Variants in GLRB observed in about 807,000 individuals in gnomAD.
GLRB encodes glycine receptor beta.
A neutral mutation model predicts 54.2 loss-of-function variants in GLRB; 33 were observed. That is an observed-to-expected ratio of 0.61 (90% CI 0.46 to 0.81). The LOEUF (loss-of-function observed/expected upper bound fraction) is 0.81, where lower values mean the gene tolerates loss of function less well. GLRB is among the 40% of genes least tolerant of loss of function. The probability of loss-of-function intolerance (pLI) is 0.00; values close to 1 mark genes in which losing one functional copy is unlikely to be tolerated. For synonymous variants in GLRB, 209 were observed against 208.2 expected (o/e 1.00, Z -0.03); for missense variants, 572 against 584.6 (o/e 0.98, Z 0.22).
intron 2 of GLRB, among the ~76,000 whole-genome samples, chr4:157,099,038 A>G (rs1422936170): frequency 6.6e-6 from 1 of 152,158 alleles, no homozygotes; most frequent in Non-Finnish European, 1.5e-5. Context: ...GTTAGTGAAC[A>G]TTTAGTTCAG....
chr4:157,150,422 TC>T (rs1281377523), intron 8 of GLRB, among the ~76,000 whole-genome samples: 1 of 152,036 alleles, frequency 6.6e-6, no homozygotes, highest in Non-Finnish European at 1.5e-5. Flanking sequence ...TTATGAATAC[TC>T]CCCTTTTCCC....
At position 157,170,971 on chromosome 4, in the gene GLRB, C is replaced by T; in HGVS notation, c.*243C>T. ...TGCTTAGTAACAAATGAAGGACAAG[C>T]ATACTACATAATATAATCCATACAA... On this transcript the variant is annotated 3_prime_UTR_variant, in exon 10 of 10. Transcript: ENST00000264428. 1 of 357,164 alleles carries T rather than the reference C, an allele frequency of 2.8e-6. No individual in the cohort carries two copies. The highest frequency in any genetic ancestry group is 5.1e-6 in the Non-Finnish European group (1 of 197,042). 22.1% of individuals were successfully genotyped at this position (357,164 alleles called of 1,614,324 possible).
chr4:157,103,873 T>A (rs917278600), intron 2 of GLRB, among the ~76,000 whole-genome samples: 29 of 152,232 alleles, frequency 1.9e-4, no homozygotes, highest in African/African-American at 7.0e-4. Context: ...AAGCAATTGA[T>A]GTTTTTATGT....
At chr4:157,136,783 A>G in intron 5 of GLRB, 21 bp from the exon 6 acceptor site, 1 of 1,559,434 alleles carries the variant, frequency 6.4e-7, no homozygotes, top group East Asian at 2.2e-5. Context: ...AATTATTTCT[A>G]AGACCCATTT....
chr4:157,127,081 C>T (rs965556058), intron 4 of GLRB, among the ~76,000 whole-genome samples: 3 of 151,668 alleles, frequency 2.0e-5, no homozygotes, highest in Non-Finnish European at 4.4e-5. Flanking sequence ...ATTTGGGATC[C>T]ACTAAAAATG....
chr4:157,150,499 G>A (rs1736981074), intron 8 of GLRB, among the ~76,000 whole-genome samples: 1 of 151,878 alleles, frequency 6.6e-6, no homozygotes, highest in African/African-American at 2.4e-5. Flanking sequence ...TCTTCAATCA[G>A]TCCCCCTTTT....
chr4:157,159,774 G>A (rs1737395656), intron 9 of GLRB, among the ~76,000 whole-genome samples: 1 of 152,130 alleles, frequency 6.6e-6, no homozygotes, highest in East Asian at 1.9e-4. Context: ...TGTTCATCCG[G>A]GATATTCATC....
chr4:157,143,585 T>C (rs1055965069), intron 7 of GLRB, among the ~76,000 whole-genome samples: 1 of 152,174 alleles, frequency 6.6e-6, no homozygotes, highest in Non-Finnish European at 1.5e-5. Flanking sequence ...TATTTCTCAA[T>C]GTCATAATGA....
At chr4:157,142,400 G>A (rs1007328749) in intron 7 of GLRB, among the ~76,000 whole-genome samples, 11 of 152,144 alleles carry the variant, frequency 7.2e-5, no homozygotes, top group Middle Eastern at 3.4e-3. Context: ...TGCTTCAGTC[G>A]AAAGCAACTA....
At chr4:157,125,987 A>C (rs1302456871) in intron 4 of GLRB, among the ~76,000 whole-genome samples, 1 of 151,864 alleles carries the variant, frequency 6.6e-6, no homozygotes, top group African/African-American at 2.4e-5. Flanking sequence ...ACTTCAGCAG[A>C]TAGTGCTTAT....
At chr4:157,122,122 G>A (rs909444136) in intron 3 of GLRB, among the ~76,000 whole-genome samples, 4 of 145,486 alleles carry the variant, frequency 2.7e-5, no homozygotes, top group Admixed American at 1.4e-4. Context: ...AAATATAATC[G>A]AACTCATTGC....
chr4:157,134,313 TTG>T (rs1481666045), intron 4 of GLRB, among the ~76,000 whole-genome samples: 31 of 151,964 alleles, frequency 2.0e-4, no homozygotes, highest in Non-Finnish European at 7.4e-5. Context: ...TCCTAGTACT[TTG>T]TGAGACCAAG....
chr4:157,157,298 C>T (rs1470828911), intron 9 of GLRB, among the ~76,000 whole-genome samples: 1 of 152,170 alleles, frequency 6.6e-6, no homozygotes, highest in Non-Finnish European at 1.5e-5. Flanking sequence ...TCCTCAATCA[C>T]CACTTGACAC....
chr4:157,095,797 T>C (rs1276754546), intron 2 of GLRB, among the ~76,000 whole-genome samples: 7 of 151,946 alleles, frequency 4.6e-5, no homozygotes, highest in Admixed American at 2.0e-4. Flanking sequence ...AGCAAATAGA[T>C]CAGATCAGAG....
At chr4:157,134,224 A>G (rs1256809696) in intron 4 of GLRB, among the ~76,000 whole-genome samples, 1 of 152,108 alleles carries the variant, frequency 6.6e-6, no homozygotes, top group African/African-American at 2.4e-5. Context: ...GCCAACCAGT[A>G]TACATTCCAA....
chr4:157,084,611 G>A, intron 2 of GLRB: 1 of 456,070 alleles, frequency 2.2e-6, no homozygotes, highest in South Asian at 1.5e-5. Flanking sequence ...TAAAAATTGT[G>A]TGTGCATATG....
At chr4:157,107,175 C>T (rs1735257384) in intron 2 of GLRB, among the ~76,000 whole-genome samples, 1 of 152,000 alleles carries the variant, frequency 6.6e-6, no homozygotes, top group Non-Finnish European at 1.5e-5. Flanking sequence ...CATCTCCCTC[C>T]CTCTCCTCAA....
intron 9 of GLRB, among the ~76,000 whole-genome samples, chr4:157,167,041 T>A (rs1213878251): frequency 6.6e-6 from 1 of 152,156 alleles, no homozygotes; most frequent in East Asian, 1.9e-4. Flanking sequence ...TATAAAAATA[T>A]GATTTATAGC....
chr4:157,123,093 C>T (rs1282115220), intron 4 of GLRB, among the ~76,000 whole-genome samples: 1 of 151,628 alleles, frequency 6.6e-6, no homozygotes, highest in Non-Finnish European at 1.5e-5. Flanking sequence ...CTCTTGAAAG[C>T]CATTCGATAA....
Sources: gnomAD v4.1 joint callset for allele counts (sites outside exome capture counted in the v4.1 genomes callset) on GRCh38, gnomAD v4.1.1 for gene constraint, MANE v1.5 for transcripts, NCBI Gene and HGNC (gene_info 2026-07-23, HGNC 2026-07-21) for gene names.